ZNF587B: variants seen among roughly 807,000 people sequenced by gnomAD.
ZNF587B encodes zinc finger protein 587B.
Under a neutral mutation model 7.2 loss-of-function variants are expected in ZNF587B, and 6 were observed. The ratio of observed to expected loss-of-function variants is 0.83; its 90% CI spans 0.46 to 1.65. ZNF587B has a LOEUF of 1.65. ZNF587B is among the 40% of genes most tolerant of loss of function. ZNF587B has a pLI of 0.01. For missense variants in ZNF587B, 749 were observed against 761.0 expected, an observed-to-expected ratio of 0.98 and a Z score of 0.19; for synonymous variants, 274 against 254.3, an observed-to-expected ratio of 1.08 and a Z score of -0.74.
Position 57,839,898 on chromosome 19 carries a change from G to C in ZNF587B, c.163+749G>C, listed in dbSNP as rs113481304. On this transcript the variant is annotated intron_variant, in intron 2 of 2. Transcript: ENST00000594901. ...GTTCAAGACCAGCCTGGCCAAGATG[G>C]TGAAACCCTGTCTCTACTAAATATA... 4.7e-3 allele frequency among the ~76,000 whole-genome samples: 708 copies of C among 152,018 alleles called. 7 individuals carry two copies. The highest frequency in any genetic ancestry group is 0.016 in the African/African-American group (669 of 41,466).
rs761267404 is a variant in ZNF587B, at chr19:57,842,178, T to C, written c.1504T>C (p.Phe502Leu). 36 of 1,612,762 alleles carry C rather than the reference T, an allele frequency of 2.2e-5. No individual in the cohort carries two copies. The highest frequency in any genetic ancestry group is 3.1e-5 in the Non-Finnish European group (36 of 1,179,490). The stretch of plus-strand genomic sequence containing the variant: ...ATATGCTTGTGAGGCTTGTCAGAAA[T>C]TTTTTAGGCACAAGTGCCACCTCAC... ...KPYACEACQK[F>L]FRHKCHLTAH... The change falls in exon 3 of 3, where the codon TTT becomes CTT. Residue 502 changes from phenylalanine (F) to leucine (L), a missense_variant. Coordinates refer to ENST00000594901, the MANE Select transcript of ZNF587B (RefSeq NM_001376223.1).
chr19:57,843,054 G>C lies in ZNF587B; in HGVS notation c.*478G>C, dbSNP rs1402141270. 1 of 892,592 alleles carries C rather than the reference G, an allele frequency of 1.1e-6. No homozygotes were observed. The highest frequency in any genetic ancestry group is 1.3e-6 in the Non-Finnish European group (1 of 745,500). The allele number at this position is 892,592 out of a possible 1,614,324, so 55.3% of individuals were successfully genotyped here. On this transcript the variant is annotated 3_prime_UTR_variant, in exon 3 of 3. Transcript: ENST00000594901. ...TCCATCACCCATGCTGGTGTGCAGTGCTGCGATCGTAGCTCACTGCATCCT... is the reference window on the plus strand; with the variant it reads ...TCCATCACCCATGCTGGTGTGCAGTCCTGCGATCGTAGCTCACTGCATCCT...
In ZNF587B at chr19:57,843,587, G is replaced by GTTTTTTTTTTTTTTTTTTTTTTTTTTTTT. The variant is rs1324065807; in HGVS notation, c.*1013_*1014insTTTTTTTTTTTTTTTTTTTTTTTTTTTTT. On this transcript the variant is annotated 3_prime_UTR_variant, in exon 3 of 3. Coordinates refer to ENST00000594901, the MANE Select transcript of ZNF587B (RefSeq NM_001376223.1). ...GTTTGGTTGGTTGGTTGGTTGGTTG[G>GTTTTTTTTTTTTTTTTTTTTTTTTTTTTT]TTGTTTTTTTTTGTTTTTTTTTTTT... 7.6e-5 allele frequency: 56 copies of GTTTTTTTTTTTTTTTTTTTTTTTTTTTTT among 738,164 alleles called. 5 individuals are homozygous for GTTTTTTTTTTTTTTTTTTTTTTTTTTTTT. Among genetic ancestry groups the GTTTTTTTTTTTTTTTTTTTTTTTTTTTTT allele is most frequent in the African/African-American group, 2.9e-4 (8 of 27,422 alleles). 45.7% of individuals were successfully genotyped at this position (738,164 alleles called of 1,614,324 possible).
At chr19:57,831,873 T>G (rs1234514924) in intron 1 of ZNF587B, among the ~76,000 whole-genome samples, 1 of 151,392 alleles carries the variant, frequency 6.6e-6, no homozygotes, top group African/African-American at 2.4e-5. Flanking sequence ...CCCGGCTAAT[T>G]TTTTGTATTT....
chr19:57,830,384 TGTCCTCTGCTGCACA>T lies in ZNF587B; in HGVS notation c.-143_-129del, dbSNP rs1988326452. The stretch of plus-strand genomic sequence containing the variant: ...CTGAACCCAGAAGGCGGAGAACAGT[TGTCCTCTGCTGCACA>T]GAGGCGACTCTGGAGCTCTGTGACG... On this transcript the variant is annotated 5_prime_UTR_variant, in exon 1 of 3. Transcript: ENST00000594901. The T allele has an allele frequency of 1.3e-6, 1 of 791,390 alleles. No homozygotes were observed. Among genetic ancestry groups the T allele is most frequent in the African/African-American group, 1.7e-5 (1 of 57,970 alleles). The allele number at this position is 791,390 out of a possible 1,614,324, so 49.0% of individuals were successfully genotyped here.
chr19:57,832,233 T>C (rs1485589544), intron 1 of ZNF587B, among the ~76,000 whole-genome samples: 1 of 151,942 alleles, frequency 6.6e-6, no homozygotes, highest in African/African-American at 2.4e-5. Flanking sequence ...ACTACAGGCA[T>C]GCACTACTAT....
Position 57,845,177 on chromosome 19 carries a change from G to A in ZNF587B, c.*2601G>A, listed in dbSNP as rs548773460. On this transcript the variant is annotated 3_prime_UTR_variant, in exon 3 of 3. Coordinates refer to ENST00000594901, the MANE Select transcript of ZNF587B (RefSeq NM_001376223.1). ...TTTTAGTAGAGACGGGTTTCACCGTGTTGCACAGACTGGTCTTGAATTCAA... is the reference window on the plus strand; with the variant it reads ...TTTTAGTAGAGACGGGTTTCACCGTATTGCACAGACTGGTCTTGAATTCAA... 2.0e-5 allele frequency: 3 copies of A among 152,222 alleles called. No homozygotes were observed. The highest frequency in any genetic ancestry group is 2.9e-5 in the Non-Finnish European group (2 of 68,018). 9.4% of individuals were successfully genotyped at this position (152,222 alleles called of 1,614,324 possible).
chr19:57,843,838 G>T lies in ZNF587B; in HGVS notation c.*1262G>T, dbSNP rs1386465733. ...ACTGATCTTGAACTCCTAACCTCGT[G>T]ATCCACCTGCCTTGGCCTCCCAAAG... On this transcript the variant is annotated 3_prime_UTR_variant, in exon 3 of 3. Coordinates refer to ENST00000594901, the MANE Select transcript of ZNF587B (RefSeq NM_001376223.1). Among the ~76,000 whole-genome samples, 1 of 151,862 alleles carries T rather than the reference G, an allele frequency of 6.6e-6. No homozygotes were observed. Among genetic ancestry groups the T allele is most frequent in the African/African-American group, 2.4e-5 (1 of 41,330 alleles).
rs1275929825 is a variant in ZNF587B, at chr19:57,841,338, C to T, written c.664C>T (p.His222Tyr). The T allele has an allele frequency of 1.2e-6, 2 of 1,606,984 alleles. No homozygotes were observed. The highest frequency in any genetic ancestry group is 1.3e-5 in the African/African-American group (1 of 74,924). ...CTATAGCCATGGAGATTCCATGAAA[C>T]ATTTTAGCACCAAACATATACTCAG... Reference protein sequence around the residue: ...AHYSHGDSMKHFSTKHILSQH... With the variant: ...AHYSHGDSMKYFSTKHILSQH... Residue 222 changes from histidine to tyrosine, a missense_variant, in exon 3 of 3, where the codon CAT (histidine) becomes TAT (tyrosine). Transcript: ENST00000594901.
Position 57,830,305 on chromosome 19 carries a change from T to G in ZNF587B, c.-224T>G. 3.8e-6 allele frequency: 2 copies of G among 523,556 alleles called. No individual in the cohort carries two copies. Among genetic ancestry groups the G allele is most frequent in the South Asian group, 2.7e-5 (1 of 36,974 alleles). The allele number at this position is 523,556 out of a possible 1,614,324, so 32.4% of individuals were successfully genotyped here. On this transcript the variant is annotated 5_prime_UTR_variant, in exon 1 of 3. Transcript: ENST00000594901. ...CTCTGGTGGCGGCCATTTTGATTGG[T>G]GTTGGGTTTATTTGTCGGAGAGGCT... is the stretch of plus-strand genomic sequence containing the variant.
Position 57,845,402 on chromosome 19 carries a change from C to G in ZNF587B, c.*2826C>G, listed in dbSNP as rs555539623. The G allele has an allele frequency of 6.6e-6, 1 of 152,226 alleles. No individual in the cohort carries two copies. Among genetic ancestry groups the G allele is most frequent in the African/African-American group, 2.4e-5 (1 of 41,534 alleles). 9.4% of individuals were successfully genotyped at this position (152,226 alleles called of 1,614,324 possible). A position where few individuals can be genotyped will look rare whatever the true frequency, so the allele number is the denominator to read the frequency against. ...GAATGTTGTGTAGCTAAGCTTTGGTCAGAGGAAATAATCTAAAGGTTTTGT... is the reference window on the plus strand; with the variant it reads ...GAATGTTGTGTAGCTAAGCTTTGGTGAGAGGAAATAATCTAAAGGTTTTGT... On this transcript the variant is annotated 3_prime_UTR_variant, in exon 3 of 3. Transcript: ENST00000594901.
intron 2 of ZNF587B, among the ~76,000 whole-genome samples, chr19:57,839,410 G>A (rs1318952846): frequency 1.3e-5 from 2 of 152,116 alleles, no homozygotes; most frequent in African/African-American, 2.4e-5. Context: ...GGATGTTTGG[G>A]TGTCCTTGTC....
At position 57,843,594 on chromosome 19, in the gene ZNF587B, T is replaced by TTC; in HGVS notation, c.*1019_*1020insCT. The TTC allele has an allele frequency of 1.2e-6, 1 of 848,250 alleles. No homozygotes were observed. Among genetic ancestry groups the TTC allele is most frequent in the Non-Finnish European group, 1.4e-6 (1 of 726,738 alleles). 52.5% of individuals were successfully genotyped at this position (848,250 alleles called of 1,614,324 possible). A position where few individuals can be genotyped will look rare whatever the true frequency, so the allele number is the denominator to read the frequency against. On this transcript the variant is annotated 3_prime_UTR_variant, in exon 3 of 3. Coordinates refer to ENST00000594901, the MANE Select transcript of ZNF587B (RefSeq NM_001376223.1). ...TGGTTGGTTGGTTGGTTGGTTGTTT[T>TTC]TTTTTGTTTTTTTTTTTTTTTTTTT...
rs771371494 is a variant in ZNF587B, at chr19:57,843,600, G to GTTTTTTTTT, written c.*1036_*1044dup. ...GTTGGTTGGTTGGTTGTTTTTTTTT[G>GTTTTTTTTT]TTTTTTTTTTTTTTTTTTTTGGAGA... On this transcript the variant is annotated 3_prime_UTR_variant, in exon 3 of 3. Transcript: ENST00000594901. 61 of 648,692 alleles carry GTTTTTTTTT rather than the reference G, an allele frequency of 9.4e-5. No homozygotes were observed. Among genetic ancestry groups the GTTTTTTTTT allele is most frequent in the African/African-American group, 3.9e-4 (10 of 25,496 alleles). The allele number at this position is 648,692 out of a possible 1,614,324, so 40.2% of individuals were successfully genotyped here.
rs778988374 is a variant in ZNF587B at position 57,841,739 on chromosome 19, G to A, written c.1065G>A (p.Lys355=). ...QRIHTGERPY[K]CGECEKSFSR... ...TTCACACTGGAGAGAGACCTTACAAGTGTGGAGAATGTGAGAAATCTTTTA... is the reference window on the plus strand; with the variant it reads ...TTCACACTGGAGAGAGACCTTACAAATGTGGAGAATGTGAGAAATCTTTTA... Residue 355 remains lysine, a synonymous_variant, in exon 3 of 3, where the codon AAG becomes AAA. Coordinates refer to ENST00000594901, the MANE Select transcript of ZNF587B (RefSeq NM_001376223.1). 53 of 1,608,386 alleles carry A rather than the reference G, an allele frequency of 3.3e-5. No individual in the cohort carries two copies. The highest frequency in any genetic ancestry group is 4.2e-5 in the Non-Finnish European group (49 of 1,177,628).
In ZNF587B at chr19:57,830,337, C is replaced by T. The variant is rs116656437; in HGVS notation, c.-192C>T. On this transcript the variant is annotated 5_prime_UTR_variant, in exon 1 of 3. Transcript: ENST00000594901. ...TTTATTTGTCGGAGAGGCTCCTGAG[C>T]GCTAGGTCGGCACTGCGGTGACTGA... 1,028 of 568,172 alleles carry T rather than the reference C, an allele frequency of 1.8e-3. 13 individuals carry two copies. Among genetic ancestry groups the T allele is most frequent in the African/African-American group, 0.018 (944 of 52,818 alleles). The allele number at this position is 568,172 out of a possible 1,614,324, so 35.2% of individuals were successfully genotyped here. A position where few individuals can be genotyped will look rare whatever the true frequency, so the allele number is the denominator to read the frequency against.
chr19:57,832,460 T>C (rs1988454250), intron 1 of ZNF587B, among the ~76,000 whole-genome samples: 1 of 152,258 alleles, frequency 6.6e-6, no homozygotes, highest in Admixed American at 6.5e-5. Context: ...GTGTTTGTCT[T>C]GAATTTCTTT....
Position 57,842,440 on chromosome 19 carries a change from G to C in ZNF587B, c.1766G>C (p.Gly589Ala), listed in dbSNP as rs765221420. 3 of 1,601,848 alleles carry C rather than the reference G, an allele frequency of 1.9e-6. No individual in the cohort carries two copies. The highest frequency in any genetic ancestry group is 2.6e-6 in the Non-Finnish European group (3 of 1,174,786). ...AGTGAATGTGGGAAATCTTTTGCTGGAATCTCCAGTCTCACTAATCACAGG... is the reference window on the plus strand; with the variant it reads ...AGTGAATGTGGGAAATCTTTTGCTGCAATCTCCAGTCTCACTAATCACAGG... ...ECSECGKSFA[G>A]ISSLTNHRRV... Residue 589 changes from glycine (G) to alanine (A), a missense_variant, in exon 3 of 3, where the codon GGA becomes GCA. Transcript: ENST00000594901.
At chr19:57,837,088 T>C (rs1227844999) in intron 1 of ZNF587B, among the ~76,000 whole-genome samples, 3 of 152,110 alleles carry the variant, frequency 2.0e-5, no homozygotes, top group Non-Finnish European at 4.4e-5. Context: ...TCCAGAGTTA[T>C]TCAAATAAGT....
Sources: allele counts gnomAD v4.1 joint callset (sites outside exome capture counted in the v4.1 genomes callset), GRCh38; gene constraint gnomAD v4.1.1; transcripts MANE v1.5; gene names NCBI Gene and HGNC (gene_info 2026-07-23, HGNC 2026-07-21).